FOXN3: variants seen among roughly 807,000 people sequenced by gnomAD.
The protein encoded by FOXN3 is forkhead box N3, also known as forkhead box protein N3.
In FOXN3, 7 loss-of-function variants were observed where a neutral mutation model predicts 38.4. That is an observed-to-expected ratio of 0.18 (90% CI 0.10 to 0.34). The LOEUF (loss-of-function observed/expected upper bound fraction) is 0.34. Among genes scored for constraint, FOXN3 ranks in the 10% least tolerant of loss-of-function variants. The pLI, the probability that FOXN3 is intolerant of heterozygous loss-of-function variation, is 1.00. For synonymous variants in FOXN3, 230 were observed against 242.2 expected (o/e 0.95, Z 0.47); for missense variants, 456 against 613.4 (o/e 0.74, Z 2.71).
intron 1 of FOXN3, among the ~76,000 whole-genome samples, chr14:89,477,085 G>A (rs34590077): frequency 0.31 from 46,763 of 151,998 alleles, 8,976 homozygotes; most frequent in Non-Finnish European, 0.43. Context: ...TGAACTCACT[G>A]TCTTGAGCTT....
rs369617344 is a variant in FOXN3 at position 89,412,481 on chromosome 14, G to T, written c.-5C>A. 2 of 1,590,322 alleles carry T rather than the reference G, an allele frequency of 1.3e-6. No individual in the cohort carries two copies. Among genetic ancestry groups the T allele is most frequent in the Non-Finnish European group, 1.7e-6 (2 of 1,166,952 alleles). On this transcript the variant is annotated 5_prime_UTR_variant, in exon 2 of 6. Coordinates refer to ENST00000557258, the MANE Select transcript of FOXN3 (RefSeq NM_005197.4). This position sits in a 1 kb window ranked among gnomAD's most constrained non-coding sequence, Gnocchi z 4.7. ...GGGAGGCATGACTGGACCCATTTAC[G>T]TGAAGGCTCCTAGTAAAGACATCAC... is the stretch of plus-strand genomic sequence containing the variant.
chr14:89,490,407 T>C (rs1483830835), intron 1 of FOXN3, among the ~76,000 whole-genome samples: 1 of 152,234 alleles, frequency 6.6e-6, no homozygotes, highest in African/African-American at 2.4e-5. Context: ...TGATCCCTGA[T>C]GCCTTAAGTG....
At chr14:89,443,501 A>C (rs1892429322) in intron 1 of FOXN3, among the ~76,000 whole-genome samples, 1 of 152,224 alleles carries the variant, frequency 6.6e-6, no homozygotes, top group African/African-American at 2.4e-5. Context: ...GGTTTTTCAA[A>C]AAAGGAAAAA....
At chr14:89,396,935 C>T (rs1435934575) in intron 2 of FOXN3, among the ~76,000 whole-genome samples, 3 of 149,092 alleles carry the variant, frequency 2.0e-5, no homozygotes, top group Non-Finnish European at 3.0e-5. Context: ...TCAGTTAAAG[C>T]TATGGAAAAT....
chr14:89,448,885 T>C (rs994849239), intron 1 of FOXN3, among the ~76,000 whole-genome samples: 9 of 151,284 alleles, frequency 5.9e-5, no homozygotes, highest in Non-Finnish European at 7.4e-5. Context: ...AAGGCTGTAG[T>C]GAGAGCTGTG....
At chr14:89,541,536 G>A (rs973315493) in intron 1 of FOXN3, among the ~76,000 whole-genome samples, 2 of 152,150 alleles carry the variant, frequency 1.3e-5, no homozygotes, top group African/African-American at 2.4e-5. Context: ...CTAAAAAGGG[G>A]AGGCATGAAT....
intron 2 of FOXN3, among the ~76,000 whole-genome samples, chr14:89,384,816 A>G (rs1432142758): frequency 6.6e-6 from 1 of 152,218 alleles, no homozygotes; most frequent in East Asian, 1.9e-4. Flanking sequence ...GGCCTTAGCT[A>G]GGGGCAGAGA....
In FOXN3 at chr14:89,463,729, G is replaced by A. The variant is rs369707797; in HGVS notation, c.-14-51239C>T. Among the ~76,000 whole-genome samples, 11 of 151,848 alleles carry A rather than the reference G, an allele frequency of 7.2e-5. No homozygotes were observed. In the South Asian group the frequency reaches 2.3e-3, roughly 32 times the overall value. ...ATAAGTTACTAGGGCTCCCCCAAAA[G>A]TTTGGCTGTGGAGACTGGGGAATCA... On this transcript the variant is annotated intron_variant, in intron 1 of 6. Transcript: ENST00000345097.
chr14:89,162,726 G>A lies in FOXN3; in HGVS notation c.1095C>T (p.His365=), dbSNP rs746637122. The change falls in exon 6 of 6, where the codon CAC becomes CAT. Residue 365 remains histidine (H), a synonymous_variant. Coordinates refer to ENST00000557258, the MANE Select transcript of FOXN3 (RefSeq NM_005197.4). This position sits in a 1 kb window ranked among gnomAD's most constrained non-coding sequence, Gnocchi z 7.2. ...CCTCTTCCGTGTCGCTGGGGCTCTC[G>A]TGGCTCCGGAAGCTCCCCTCGCTGC... ...SEGSEGSFRS[H]ESPSDTEEDD... 52 of 1,613,808 alleles carry A rather than the reference G, an allele frequency of 3.2e-5. 1 individual carries two copies. In the South Asian group the frequency reaches 4.2e-4, roughly 13 times the overall value.
intron 3 of FOXN3, among the ~76,000 whole-genome samples, chr14:89,345,462 C>T (rs1314458066): frequency 6.6e-6 from 1 of 151,902 alleles, no homozygotes; most frequent in African/African-American, 2.4e-5. Context: ...ACTAATAAGG[C>T]ACTTGTCACA....
rs77887947 is a variant in FOXN3, at chr14:89,330,848, G to A, written c.680+19824C>T. 9.4e-3 allele frequency among the ~76,000 whole-genome samples: 1,431 copies of A among 152,226 alleles called. 13 individuals are homozygous for A. The highest frequency in any genetic ancestry group is 0.033 in the African/African-American group (1,369 of 41,530). On this transcript the variant is annotated intron_variant, in intron 3 of 5. Coordinates refer to ENST00000557258, the MANE Select transcript of FOXN3 (RefSeq NM_005197.4). ...ATCAAGGCCACACTTGGCCACAGTC[G>A]GTTCCATGGATTCCTAAGGCCAGGG...
At chr14:89,470,667 C>T (rs1893075279) in intron 1 of FOXN3, among the ~76,000 whole-genome samples, 2 of 152,178 alleles carry the variant, frequency 1.3e-5, no homozygotes, top group African/African-American at 4.8e-5. Context: ...CTTATGTGGA[C>T]ATGAATTTCT....
Position 89,411,107 on chromosome 14 carries a change from T to C in FOXN3, c.543+827A>G, listed in dbSNP as rs1409681396. ...TCAGATCAGCGGTGGCATTAGATTC[T>C]CATAGGAGCACAAACCCTACTGTGA... On this transcript the variant is annotated intron_variant, in intron 2 of 5. Transcript: ENST00000557258. 2.0e-5 allele frequency among the ~76,000 whole-genome samples: 3 copies of C among 152,212 alleles called. No individual in the cohort carries two copies. The East Asian group carries it at 5.8e-4, about 29-fold the overall frequency.
chr14:89,441,077 G>C (rs796154334), intron 1 of FOXN3, among the ~76,000 whole-genome samples: 1 of 152,068 alleles, frequency 6.6e-6, no homozygotes, highest in African/African-American at 2.4e-5. Context: ...GAAAGTGGCC[G>C]AGGCTCCGGC....
chr14:89,265,749 G>A (rs575252947), intron 4 of FOXN3, among the ~76,000 whole-genome samples: 19 of 152,190 alleles, frequency 1.2e-4, no homozygotes, highest in Non-Finnish European at 2.5e-4. Context: ...ACTGCAGATC[G>A]TCCTACTTGA....
chr14:89,347,830 T>C (rs769598061), intron 3 of FOXN3, among the ~76,000 whole-genome samples: 23 of 152,142 alleles, frequency 1.5e-4, no homozygotes, highest in Non-Finnish European at 2.6e-4. Context: ...CGCCTGCCTG[T>C]AGTCCCAGCT....
intron 4 of FOXN3, among the ~76,000 whole-genome samples, chr14:89,280,612 G>A (rs1246452371): frequency 2.0e-5 from 3 of 152,114 alleles, no homozygotes; most frequent in Admixed American, 6.5e-5. Flanking sequence ...GCTTTTATCA[G>A]CCTAGTTTAT....
At chr14:89,555,838 G>GGGGTGTGT in intron 1 of FOXN3, among the ~76,000 whole-genome samples, 1 of 89,700 alleles carries the variant, frequency 1.1e-5, no homozygotes, top group South Asian at 4.7e-4. Context: ...TCTAGTTCAT[G>GGGGTGTGT]GTGTGTGTGT....
chr14:89,414,523 G>C (rs1423098731), intron 1 of FOXN3, among the ~76,000 whole-genome samples: 2 of 151,034 alleles, frequency 1.3e-5, no homozygotes, highest in African/African-American at 4.9e-5. Context: ...CAAGGCCTAA[G>C]GGGGAGCTGT....
Sources: gnomAD v4.1 joint callset for allele counts (sites outside exome capture counted in the v4.1 genomes callset) on GRCh38, gnomAD v4.1.1 for gene constraint, Gnocchi (gnomAD v3.1) non-coding constraint, MANE v1.5 for transcripts, NCBI Gene and HGNC (gene_info 2026-07-23, HGNC 2026-07-21) for gene names.